Variants in AP2B1 observed in about 807,000 individuals in gnomAD.
AP2B1 encodes adaptor related protein complex 2 subunit beta 1, also known as AP-2 complex subunit beta.
Under a neutral mutation model 102.0 loss-of-function variants are expected in AP2B1, and 23 were observed. The ratio of observed to expected loss-of-function variants is 0.23; its 90% CI spans 0.16 to 0.32. The LOEUF is 0.32. Among genes scored for constraint, AP2B1 ranks in the 10% least tolerant of loss-of-function variants. AP2B1 has a pLI of 1.00. For synonymous variants in AP2B1, 381 were observed against 421.2 expected (o/e 0.90, Z 1.17); for missense variants, 541 against 1,157.4 (o/e 0.47, Z 7.73).
intron 2 of AP2B1, 80 bp downstream of exon 2, chr17:35,594,147 ACCTCTTCCTTC>A: frequency 2.3e-6 from 2 of 868,358 alleles, no homozygotes; most frequent in Non-Finnish European, 3.6e-6. Flanking sequence ...AATGCTGCTG[ACCTCTTCCTTC>A]AGACATACAT....
chr17:35,627,014 G>T (rs918740967), intron 7 of AP2B1, among the ~76,000 whole-genome samples, 172 bp downstream of exon 7: 1 of 152,140 alleles, frequency 6.6e-6, no homozygotes, highest in African/African-American at 2.4e-5. Flanking sequence ...TGATATTACA[G>T]TGTTTCTATA....
rs1350051560 is a variant in AP2B1 at position 35,682,781 on chromosome 17, C to G, written c.2411C>G (p.Thr804Ser). The G allele has an allele frequency of 1.4e-5, 22 of 1,612,886 alleles. No individual in the cohort carries two copies. Among genetic ancestry groups the G allele is most frequent in the Non-Finnish European group, 1.8e-5 (21 of 1,179,236 alleles). The change falls in exon 18 of 22, where the codon ACC becomes AGC. Residue 804 changes from threonine to serine, a missense_variant. Coordinates refer to ENST00000610402, the MANE Select transcript of AP2B1 (RefSeq NM_001030006.2). ...ATTGATGTCTCCCTGCCTCTCAATA[C>G]CTTGGGCCCAGTCATGAAGATGGAA... ...QSIDVSLPLNTLGPVMKMEPL... is the reference protein window; with the variant it reads ...QSIDVSLPLNSLGPVMKMEPL...
chr17:35,625,433 A>T (rs1192767335), intron 6 of AP2B1, among the ~76,000 whole-genome samples: 1 of 152,148 alleles, frequency 6.6e-6, no homozygotes, highest in Non-Finnish European at 1.5e-5. Context: ...TGAAAGTACA[A>T]ATATAGTCTG....
At chr17:35,594,158 C>A in intron 2 of AP2B1, 91 bp downstream of exon 2, 1 of 754,672 alleles carries the variant, frequency 1.3e-6, no homozygotes, top group Non-Finnish European at 2.2e-6. Flanking sequence ...CCTCTTCCTT[C>A]AGACATACAT....
chr17:35,703,976 A>G (rs1165983987), intron 18 of AP2B1, among the ~76,000 whole-genome samples: 1 of 152,108 alleles, frequency 6.6e-6, no homozygotes, highest in Non-Finnish European at 1.5e-5. Context: ...ATAGTTTAGA[A>G]CTTGTCTGGA....
intron 12 of AP2B1, among the ~76,000 whole-genome samples, chr17:35,646,620 C>CT (rs1945361806): frequency 7.1e-6 from 1 of 141,654 alleles, no homozygotes; most frequent in Admixed American, 7.4e-5. Flanking sequence ...GAGTCTCACT[C>CT]TGTTACCCAG....
intron 17 of AP2B1, among the ~76,000 whole-genome samples, chr17:35,680,691 T>TTTTTGG (rs1598270618): frequency 2.4e-4 from 10 of 42,064 alleles, no homozygotes; most frequent in African/African-American, 2.1e-3. Context: ...TTTTGGTTTT[T>TTTTTGG]TTTTTTTTGT....
chr17:35,682,837 C>T lies in AP2B1; in HGVS notation c.2454+13C>T. 4 of 1,605,626 alleles carry T rather than the reference C, an allele frequency of 2.5e-6. No individual in the cohort carries two copies. Among genetic ancestry groups the T allele is most frequent in the Non-Finnish European group, 3.4e-6 (4 of 1,174,200 alleles). The stretch of plus-strand genomic sequence containing the variant: ...GAATAACCTCCAGGTCAGAGATTTA[C>T]TTCACTCAGGTGGTACAAGTTAATA... On this transcript the variant is annotated intron_variant, in intron 18 of 21. Coordinates refer to ENST00000610402, the MANE Select transcript of AP2B1 (RefSeq NM_001030006.2).
At chr17:35,623,010 C>A (rs749644965) in intron 5 of AP2B1, among the ~76,000 whole-genome samples, 1 of 151,946 alleles carries the variant, frequency 6.6e-6, no homozygotes, top group Non-Finnish European at 1.5e-5. Flanking sequence ...CTTTGCTAAT[C>A]TTTCATCAGC....
Position 35,682,730 on chromosome 17 carries a change from A to G in AP2B1, c.2360A>G (p.His787Arg), listed in dbSNP as rs2075850821. Residue 787 changes from histidine (H) to arginine (R), a missense_variant, in exon 18 of 22, where the codon CAT (histidine) becomes CGT (arginine). Around this residue, in one of 10 missense-constraint regions of AP2B1, gnomAD observed 117 missense variants for 206.7 expected, o/e 0.57. Coordinates refer to ENST00000610402, the MANE Select transcript of AP2B1 (RefSeq NM_001030006.2). ...ATCCCCAGCACTCCTCTGGCCATCC[A>G]TACACCACTGATGCCAAACCAGAGC... Reference protein sequence around the residue: ...GVIPSTPLAIHTPLMPNQSID... With the variant: ...GVIPSTPLAIRTPLMPNQSID... 3 of 1,612,656 alleles carry G rather than the reference A, an allele frequency of 1.9e-6. No individual in the cohort carries two copies. The highest frequency in any genetic ancestry group is 2.7e-5 in the African/African-American group (2 of 74,852).
rs556153652 is a variant in AP2B1 at position 35,596,795 on chromosome 17, C to T, written c.38-1435C>T. Reference sequence around the variant, plus strand: ...CAGCTGCGCCCCCTAGCGTCAGCTGCATGGGCCCCCGCAGCGCTGCCAGGC... The same window carrying T: ...CAGCTGCGCCCCCTAGCGTCAGCTGTATGGGCCCCCGCAGCGCTGCCAGGC... On this transcript the variant is annotated intron_variant, in intron 2 of 21. Transcript: ENST00000610402. 7.4e-4 allele frequency: 452 copies of T among 614,144 alleles called. 2 individuals are homozygous for T. In the African/African-American group the frequency reaches 8.0e-3, roughly 11 times the overall value. The allele number at this position is 614,144 out of a possible 1,614,324, so 38.0% of individuals were successfully genotyped here. A position where few individuals can be genotyped will look rare whatever the true frequency, so the allele number is the denominator to read the frequency against.
chr17:35,646,603 T>TTG (rs1567891723), intron 12 of AP2B1, among the ~76,000 whole-genome samples: 5 of 149,442 alleles, frequency 3.3e-5, no homozygotes, highest in African/African-American at 9.9e-5. Context: ...TTTTTTTTTT[T>TTG]GAGATGGAGT....
At position 35,660,835 on chromosome 17, in the gene AP2B1, C is replaced by A. The variant is rs575634136; in HGVS notation, c.1989+3044C>A. 5.9e-5 allele frequency among the ~76,000 whole-genome samples: 9 copies of A among 152,288 alleles called. No homozygotes were observed. The East Asian group carries it at 1.7e-3, about 29-fold the overall frequency. On this transcript the variant is annotated intron_variant, in intron 14 of 21. Coordinates refer to ENST00000610402, the MANE Select transcript of AP2B1 (RefSeq NM_001030006.2). Reference sequence around the variant, plus strand: ...CAGACTTCTGGAAAGAGGGCTCCTCCTCTCCCTTAAATTAATTCAGAGGGC... The same window carrying A: ...CAGACTTCTGGAAAGAGGGCTCCTCATCTCCCTTAAATTAATTCAGAGGGC...
At chr17:35,681,902 A>G (rs1443043986) in intron 17 of AP2B1, among the ~76,000 whole-genome samples, 2 of 152,328 alleles carry the variant, frequency 1.3e-5, no homozygotes, top group African/African-American at 4.8e-5. Context: ...ACAGAAAATT[A>G]TGATGTAACC....
In AP2B1 at chr17:35,626,845, T is replaced by C; in HGVS notation, c.938+3T>C. 6.2e-7 allele frequency: 1 copy of C among 1,613,080 alleles called. No homozygotes were observed. The highest frequency in any genetic ancestry group is 8.5e-7 in the Non-Finnish European group (1 of 1,179,262). ...ATCAACTTAATTGTCCAGAAAAGGT[T>C]GGGAAATAGCGAAGTGTTGATTAAA... On this transcript the variant is annotated splice_donor_region_variant and intron_variant, in intron 7 of 21. Transcript: ENST00000610402.
intron 5 of AP2B1, among the ~76,000 whole-genome samples, chr17:35,609,385 C>T (rs949746448): frequency 1.4e-5 from 2 of 146,598 alleles, no homozygotes; most frequent in African/African-American, 5.1e-5. Context: ...CTTGCCTTGT[C>T]GCCCAGGCTG....
At chr17:35,666,215 A>G (rs558361377) in intron 14 of AP2B1, among the ~76,000 whole-genome samples, 1 of 152,260 alleles carries the variant, frequency 6.6e-6, no homozygotes, top group South Asian at 2.1e-4. Context: ...CCCATAAGTT[A>G]CAATAAGTCA....
chr17:35,678,641 A>G (rs1351812513), intron 17 of AP2B1, among the ~76,000 whole-genome samples: 1 of 152,228 alleles, frequency 6.6e-6, no homozygotes, highest in East Asian at 1.9e-4. Context: ...GTCCATTAAT[A>G]TGATGGATTA....
intron 12 of AP2B1, among the ~76,000 whole-genome samples, chr17:35,645,182 C>A (rs901075017): frequency 3.3e-5 from 5 of 152,116 alleles, no homozygotes; most frequent in African/African-American, 1.2e-4. Context: ...GCAATGTGGT[C>A]GGCTGAATTG....
Sources: gnomAD v4.1 joint callset for allele counts (sites outside exome capture counted in the v4.1 genomes callset) on GRCh38, gnomAD v4.1.1 for gene constraint, gnomAD v4.1.1 regional missense constraint, MANE v1.5 for transcripts, NCBI Gene and HGNC (gene_info 2026-07-23, HGNC 2026-07-21) for gene names.